RYR2: variants seen among roughly 807,000 people sequenced by gnomAD.
The protein encoded by RYR2 is ryanodine receptor 2, also known as cardiac muscle ryanodine receptor-calcium release channel.
A neutral mutation model predicts 601.1 loss-of-function variants in RYR2; 227 were observed. The observed-to-expected ratio is 0.38, with a 90% confidence interval of 0.34 to 0.42. The LOEUF (loss-of-function observed/expected upper bound fraction) is 0.42. RYR2 is among the 10% of genes least tolerant of loss of function. The pLI is 1.00. For missense variants in RYR2, 4,646 were observed against 6,156.5 expected (o/e 0.75, Z 8.21); for synonymous variants, 2,223 against 2,175.1 (o/e 1.02, Z -0.61).
chr1:237,565,157 CTCTTTCTTTCTTTCTT>C (rs771045857), intron 27 of RYR2, among the ~76,000 whole-genome samples: 866 of 52,812 alleles, frequency 0.016, 32 homozygotes, highest in African/African-American at 0.036. Context: ...TTCTTTCTTT[CTCTTTCTTTCTTTCTT>C]TCTTTCTTTC....
intron 1 of RYR2, among the ~76,000 whole-genome samples, chr1:237,190,260 A>G (rs1679832336): frequency 6.6e-6 from 1 of 152,164 alleles, no homozygotes; most frequent in African/African-American, 2.4e-5. Context: ...ATTTCTCTGC[A>G]GCCTTGCCAA....
chr1:237,523,614 G>A (rs1667297498), intron 24 of RYR2, among the ~76,000 whole-genome samples: 2 of 152,002 alleles, frequency 1.3e-5, no homozygotes, highest in Non-Finnish European at 2.9e-5. Flanking sequence ...GCAGGCGCCT[G>A]TAATCCCAGC....
intron 1 of RYR2, among the ~76,000 whole-genome samples, chr1:237,117,212 T>G (rs933025852): frequency 2.6e-5 from 4 of 151,952 alleles, no homozygotes; most frequent in African/African-American, 9.7e-5. Flanking sequence ...ACTTGAAAAT[T>G]TTAGACAACA....
At chr1:237,065,103 T>C (rs1663401633) in intron 1 of RYR2, among the ~76,000 whole-genome samples, 1 of 152,080 alleles carries the variant, frequency 6.6e-6, no homozygotes, top group Non-Finnish European at 1.5e-5. Flanking sequence ...TTTTTCTCAT[T>C]GGTTATATTT....
intron 51 of RYR2, among the ~76,000 whole-genome samples, chr1:237,653,515 G>A (rs1332442880): frequency 6.6e-6 from 1 of 152,144 alleles, no homozygotes; most frequent in Non-Finnish European, 1.5e-5. Flanking sequence ...TGTAAAATTG[G>A]GCGTCTGGTC....
intron 2 of RYR2, among the ~76,000 whole-genome samples, chr1:237,284,329 G>T (rs987468308): frequency 6.7e-6 from 1 of 149,606 alleles, no homozygotes; most frequent in Non-Finnish European, 1.5e-5. Context: ...GCAGTGAGTC[G>T]AGATTGCGCC....
chr1:237,348,844 C>T (rs189356844), intron 3 of RYR2, among the ~76,000 whole-genome samples: 2 of 152,102 alleles, frequency 1.3e-5, no homozygotes, highest in African/African-American at 4.8e-5. Flanking sequence ...AATGGAAATT[C>T]GAACACTGAA....
At chr1:237,056,717 CCTGTGAGGACTGGAGCATTGCAT>C (rs1662171877) in intron 1 of RYR2, among the ~76,000 whole-genome samples, 3 of 83,836 alleles carry the variant, frequency 3.6e-5, no homozygotes, top group Non-Finnish European at 4.8e-5. Context: ...CAGCACTGCA[CCTGTGAGGACTGGAGCATTGCAT>C]CTGTGAGGAC....
At position 237,494,484 on chromosome 1, in the gene RYR2, A is replaced by G. The variant is rs183564674; in HGVS notation, c.1961+1397A>G. On this transcript the variant is annotated intron_variant, in intron 19 of 104. Coordinates refer to ENST00000366574, the MANE Select transcript of RYR2 (RefSeq NM_001035.3). ...AGCTGATTAGATGGTGCCCACCCAG[A>G]TTGAGGATGGGTCGGCCTCTCCCAG... Among the ~76,000 whole-genome samples the G allele has an allele frequency of 2.4e-3, 364 of 152,200 alleles. 3 individuals carry two copies. The highest frequency in any genetic ancestry group is 8.3e-3 in the African/African-American group (344 of 41,536).
chr1:237,511,850 A>AAAAG lies in RYR2; in HGVS notation c.2822+62_2822+63insGAAA, dbSNP rs1665944373. 39 of 881,432 alleles carry AAAAG rather than the reference A, an allele frequency of 4.4e-5. 1 individual carries two copies. Among genetic ancestry groups the AAAAG allele is most frequent in the South Asian group, 2.0e-4 (9 of 45,580 alleles). 54.6% of individuals were successfully genotyped at this position (881,432 alleles called of 1,614,324 possible). A position where few individuals can be genotyped will look rare whatever the true frequency, so the allele number is the denominator to read the frequency against. On this transcript the variant is annotated intron_variant, in intron 24 of 104. Transcript: ENST00000366574. ...GCCTTCCCTGAAAAAAAAAAAAAAAAAAAAAAAAACAGGTATTGATGCTAT... is the reference window on the plus strand; with the variant it reads ...GCCTTCCCTGAAAAAAAAAAAAAAAAAAAGAAAAAAAAACAGGTATTGATGCTAT...
rs1060500155 is a variant in RYR2, at chr1:237,369,534, A to T, written c.310A>T (p.Thr104Ser). The change falls in exon 6 of 105, where the codon ACT becomes TCT. Residue 104 changes from threonine (T) to serine (S), a missense_variant and splice_region_variant. Around this residue, in one of 17 missense-constraint regions of RYR2, gnomAD observed 153 missense variants for 203.6 expected, o/e 0.75. Transcript: ENST00000366574. ...DVEKWKFMMKTAQGGGHRTLL... is the reference protein window; with the variant it reads ...DVEKWKFMMKSAQGGGHRTLL... ...CTCCTTTTTTCTCTTCTCTCTAAAG[A>T]CTGCTCAAGGTGGTGGTCATCGAAC... is the stretch of plus-strand genomic sequence containing the variant. 3.2e-6 allele frequency: 5 copies of T among 1,560,028 alleles called. No homozygotes were observed. Among genetic ancestry groups the T allele is most frequent in the East Asian group, 2.4e-5 (1 of 42,228 alleles).
chr1:237,610,812 C>T lies in RYR2; in HGVS notation c.4734C>T (p.Pro1578=), dbSNP rs201880756. 5.3e-4 allele frequency: 853 copies of T among 1,611,408 alleles called. 2 individuals carry two copies. The highest frequency in any genetic ancestry group is 1.6e-4 in the Non-Finnish European group (192 of 1,179,080). The change falls in exon 36 of 105, where the codon CCC becomes CCT. Residue 1578 remains proline, a synonymous_variant. Coordinates refer to ENST00000366574, the MANE Select transcript of RYR2 (RefSeq NM_001035.3). The surrounding 1 kb of genome is among the most constrained non-coding windows in gnomAD (Gnocchi z 4.9). ...TATTCAAGAGTGAGCACAAGAACCC[C>T]GTGCCGCAGTGCCCCCCGCGCCTCC... is the stretch of plus-strand genomic sequence containing the variant. ...AGLFKSEHKN[P]VPQCPPRLHV...
rs1270434273 is a variant in RYR2 at position 237,251,254 on chromosome 1, AGTCAAGAGTT to A, written c.49-19239_49-19230del. On this transcript the variant is annotated intron_variant, in intron 1 of 104. Transcript: ENST00000366574. ...TTTCTTTGCTCACCTTTGTAAAACAAGTCAAGAGTTGTCTGTACCTGCTGCTCTGCTGCTT... is the reference window on the plus strand; with the variant it reads ...TTTCTTTGCTCACCTTTGTAAAACAAGTCTGTACCTGCTGCTCTGCTGCTT... Among the ~76,000 whole-genome samples, 11 of 152,260 alleles carry A rather than the reference AGTCAAGAGTT, an allele frequency of 7.2e-5. No homozygotes were observed. In the East Asian group the frequency reaches 1.9e-3, roughly 27 times the overall value.
intron 16 of RYR2, among the ~76,000 whole-genome samples, chr1:237,466,392 TC>T (rs1163988736): frequency 4.6e-5 from 7 of 152,116 alleles, no homozygotes; most frequent in Non-Finnish European, 7.4e-5. Context: ...GGTCATAAAC[TC>T]CTGGGCTCAA....
At chr1:237,424,074 G>A (rs992796911) in intron 12 of RYR2, among the ~76,000 whole-genome samples, 4 of 152,082 alleles carry the variant, frequency 2.6e-5, no homozygotes, top group Non-Finnish European at 4.4e-5. Context: ...CAGGGGAACA[G>A]CATGGGGGAA....
chr1:237,572,042 A>C (rs1469312391), intron 29 of RYR2, among the ~76,000 whole-genome samples: 1 of 152,146 alleles, frequency 6.6e-6, no homozygotes, highest in Non-Finnish European at 1.5e-5. Flanking sequence ...ATTAGGTCTT[A>C]TTCATTTTTT....
rs543109099 is a variant in RYR2 at position 237,702,632 on chromosome 1, T to C, written c.9449+573T>C. Among the ~76,000 whole-genome samples, 3 of 152,220 alleles carry C rather than the reference T, an allele frequency of 2.0e-5. No homozygotes were observed. The South Asian group carries it at 6.2e-4, about 32-fold the overall frequency. On this transcript the variant is annotated intron_variant, in intron 66 of 104. Transcript: ENST00000366574. ...GATAGAAGATTTAATTATGAATAGATATAAGTTCTCCCAAAATTAACCTGT... is the reference window on the plus strand; with the variant it reads ...GATAGAAGATTTAATTATGAATAGACATAAGTTCTCCCAAAATTAACCTGT...
chr1:237,352,565 C>G (rs1445350514), intron 3 of RYR2, among the ~76,000 whole-genome samples: 3 of 152,082 alleles, frequency 2.0e-5, no homozygotes, highest in African/African-American at 7.2e-5. Flanking sequence ...AAAATCCCAG[C>G]AGGTTTTCTT....
At chr1:237,814,224 A>G (rs1262265739) in intron 100 of RYR2, among the ~76,000 whole-genome samples, 5 of 152,252 alleles carry the variant, frequency 3.3e-5, no homozygotes, top group Non-Finnish European at 5.9e-5. Context: ...AGGCTTATTA[A>G]AACCAGCCTG....
Sources: gnomAD v4.1 joint callset for allele counts (sites outside exome capture counted in the v4.1 genomes callset) on GRCh38, gnomAD v4.1.1 for gene constraint, gnomAD v4.1.1 regional missense constraint, Gnocchi (gnomAD v3.1) non-coding constraint, MANE v1.5 for transcripts, NCBI Gene and HGNC (gene_info 2026-07-23, HGNC 2026-07-21) for gene names.